The following PLEKHG4B variants were observed in gnomAD, a reference collection of about 807,000 sequenced individuals.
PLEKHG4B encodes pleckstrin homology domain-containing family G member 4B.
Under a neutral mutation model 121.3 loss-of-function variants are expected in PLEKHG4B, and 111 were observed. The ratio of observed to expected loss-of-function variants is 0.92; its 90% CI spans 0.78 to 1.07. The LOEUF (loss-of-function observed/expected upper bound fraction) is 1.07, where lower values mean the gene tolerates loss of function less well. PLEKHG4B is among the 50% of genes least tolerant of loss of function. PLEKHG4B has a pLI of 0.00. For synonymous variants in PLEKHG4B, 738 were observed against 725.0 expected, an observed-to-expected ratio of 1.02 and a Z score of -0.29; for missense variants, 1,831 against 1,757.8, an observed-to-expected ratio of 1.04 and a Z score of -0.74.
At chr5:96,586 G>T (rs1224411748) in intron 1 of PLEKHG4B, among the ~76,000 whole-genome samples, 1 of 152,164 alleles carries the variant, frequency 6.6e-6, no homozygotes, top group Non-Finnish European at 1.5e-5. Flanking sequence ...ATGGATTGTT[G>T]AGAAAGATTA....
chr5:162,749 C>G lies in PLEKHG4B; in HGVS notation c.2677C>G (p.Pro893Ala). 6.8e-7 allele frequency: 1 copy of G among 1,463,594 alleles called. No homozygotes were observed. 90.7% of individuals were successfully genotyped at this position (1,463,594 alleles called of 1,614,324 possible). ...TVSSWMGPLD[P>A]EACPSSPVAE... ...GAGCAGCTGGATGGGGCCCCTGGAC[C>G]CGGAGGCTTGTCCCTCCTCACCCGT... is the stretch of plus-strand genomic sequence containing the variant. The change falls in exon 13 of 20, where the codon CCG becomes GCG. Residue 893 changes from proline (P) to alanine (A), a missense_variant. Physicochemically the swap from Pro to Ala is conservative, Grantham distance 27. Transcript: ENST00000637938.
At chr5:175,093 T>C (rs1406036999) in intron 18 of PLEKHG4B, among the ~76,000 whole-genome samples, 1 of 152,208 alleles carries the variant, frequency 6.6e-6, no homozygotes, top group South Asian at 2.1e-4. Context: ...CATAAGGCAC[T>C]GCGGCAACCC....
At chr5:122,351 CA>C (rs1287981559) in intron 2 of PLEKHG4B, among the ~76,000 whole-genome samples, 2 of 151,886 alleles carry the variant, frequency 1.3e-5, no homozygotes, top group African/African-American at 4.8e-5. Context: ...TGGACAGACT[CA>C]AAAAAAGGCA....
intron 13 of PLEKHG4B, 110 bp from the exon 14 acceptor site, chr5:169,230 A>T: frequency 6.9e-7 from 1 of 1,458,248 alleles, no homozygotes; most frequent in Non-Finnish European, 9.3e-7. Context: ...TCCACATGTG[A>T]CCCTGCTCAT....
Position 157,604 on chromosome 5 carries a change from C to CG in PLEKHG4B, c.2487+699dup. ...GTGGCTCTGAAATGATTGCTTAGCTCGGGGGGCACCAGCGAAATGATTGCT... is the reference window on the plus strand; with the variant it reads ...GTGGCTCTGAAATGATTGCTTAGCTCGGGGGGGCACCAGCGAAATGATTGCT... On this transcript the variant is annotated intron_variant, in intron 11 of 19. Transcript: ENST00000637938. This position sits in a 1 kb window ranked among gnomAD's most constrained non-coding sequence, Gnocchi z 4.6. 1.3e-5 allele frequency among the ~76,000 whole-genome samples: 2 copies of CG among 152,038 alleles called. 1 individual carries two copies. The highest frequency in any genetic ancestry group is 4.8e-5 in the African/African-American group (2 of 41,430).
rs149879239 is a variant in PLEKHG4B at position 155,571 on chromosome 5, T to G, written c.2208+128T>G. 623 of 714,176 alleles carry G rather than the reference T, an allele frequency of 8.7e-4. 4 individuals are homozygous for G. In the African/African-American group the frequency reaches 9.4e-3, roughly 11 times the overall value. The allele number at this position is 714,176 out of a possible 1,614,324, so 44.2% of individuals were successfully genotyped here. Reference sequence around the variant, plus strand: ...GTAGCAGAGACCTTCAAATCCTTTTTCATTTGTAGATCCCTCTTAATTCAG... The same window carrying G: ...GTAGCAGAGACCTTCAAATCCTTTTGCATTTGTAGATCCCTCTTAATTCAG... On this transcript the variant is annotated intron_variant, in intron 9 of 19. Coordinates refer to ENST00000637938, the MANE Select transcript of PLEKHG4B (RefSeq NM_052909.5).
rs1203690958 is a variant in PLEKHG4B, at chr5:186,206, T to TA, written c.*3884dup. Reference sequence around the variant, plus strand: ...TGCTGGCAGAAGAGGCCCACCGAGTTACGTCCACACCAGCTGGCCCTGGGC... The same window carrying TA: ...TGCTGGCAGAAGAGGCCCACCGAGTTAACGTCCACACCAGCTGGCCCTGGGC... On this transcript the variant is annotated 3_prime_UTR_variant, in exon 20 of 20. Coordinates refer to ENST00000637938, the MANE Select transcript of PLEKHG4B (RefSeq NM_052909.5). 1 of 152,206 alleles carries TA rather than the reference T, an allele frequency of 6.6e-6. No homozygotes were observed. The highest frequency in any genetic ancestry group is 2.4e-5 in the African/African-American group (1 of 41,426). 9.4% of individuals were successfully genotyped at this position (152,206 alleles called of 1,614,324 possible). A position where few individuals can be genotyped will look rare whatever the true frequency, so the allele number is the denominator to read the frequency against.
intron 1 of PLEKHG4B, among the ~76,000 whole-genome samples, chr5:110,687 C>A (rs752805147): frequency 3.3e-5 from 5 of 151,554 alleles, no homozygotes; most frequent in Non-Finnish European, 7.4e-5. Flanking sequence ...ACACAATCTG[C>A]AGCACACGTG....
In PLEKHG4B at chr5:163,035, A is replaced by T; in HGVS notation, c.2963A>T (p.Gln988Leu). The change falls in exon 13 of 20, where the codon CAG (glutamine) becomes CTG (leucine). Residue 988 changes from glutamine to leucine, a missense_variant. Coordinates refer to ENST00000637938, the MANE Select transcript of PLEKHG4B (RefSeq NM_052909.5). ...ERAQEAMRRHQKPPSFPSTDS... is the reference protein window; with the variant it reads ...ERAQEAMRRHLKPPSFPSTDS... The stretch of plus-strand genomic sequence containing the variant: ...GCCCAGGAGGCCATGAGGAGGCACC[A>T]GAAGCCACCCTCATTCCCCAGCACG... 6.4e-7 allele frequency: 1 copy of T among 1,561,552 alleles called. No homozygotes were observed.
chr5:135,894 G>T (rs1435653728), intron 2 of PLEKHG4B, among the ~76,000 whole-genome samples: 1 of 150,926 alleles, frequency 6.6e-6, no homozygotes, highest in Non-Finnish European at 1.5e-5. Context: ...AAAGTTGGAG[G>T]ACTCACACTT....
At chr5:110,062 CCA>C (rs1201831505) in intron 1 of PLEKHG4B, among the ~76,000 whole-genome samples, 3 of 151,528 alleles carry the variant, frequency 2.0e-5, no homozygotes, top group African/African-American at 7.3e-5. Flanking sequence ...GTGCACACAC[CCA>C]CACAATCTGC....
At chr5:161,711 A>G (rs1579306204) in intron 11 of PLEKHG4B, 72 bp from the exon 12 acceptor site, 3 of 1,605,460 alleles carry the variant, frequency 1.9e-6, no homozygotes, top group African/African-American at 1.3e-5. Flanking sequence ...CTACACGCAG[A>G]CCCAGCCCAC....
intron 6 of PLEKHG4B, among the ~76,000 whole-genome samples, chr5:149,823 A>C (rs1038384698): frequency 4.6e-5 from 7 of 152,186 alleles, no homozygotes; most frequent in African/African-American, 1.7e-4. Flanking sequence ...ACCTCAATTA[A>C]ATACCACTTC....
intron 2 of PLEKHG4B, among the ~76,000 whole-genome samples, chr5:118,737 A>G (rs1734378013): frequency 6.6e-6 from 1 of 152,136 alleles, no homozygotes; most frequent in Non-Finnish European, 1.5e-5. Context: ...CTAGGGTAAT[A>G]ATACCTCTCA....
intron 1 of PLEKHG4B, among the ~76,000 whole-genome samples, chr5:98,299 C>A (rs992829560): frequency 6.6e-6 from 1 of 151,706 alleles, no homozygotes; most frequent in Non-Finnish European, 1.5e-5. Flanking sequence ...AGCATTCATT[C>A]GTTGAATGAA....
chr5:162,563 A>T (rs934509024), intron 12 of PLEKHG4B, among the ~76,000 whole-genome samples, 159 bp from the exon 13 acceptor site: 1 of 152,068 alleles, frequency 6.6e-6, no homozygotes, highest in Non-Finnish European at 1.5e-5. Flanking sequence ...CTTCCGCTGA[A>T]CCCGGCCACA....
chr5:145,081 TC>T (rs770726503), intron 6 of PLEKHG4B, among the ~76,000 whole-genome samples, 161 bp downstream of exon 6: 58 of 152,342 alleles, frequency 3.8e-4, no homozygotes, highest in Middle Eastern at 6.8e-3. Context: ...CTTGGGGTCT[TC>T]CCAGTGAGTC....
rs1553992913 is a variant in PLEKHG4B, at chr5:184,011, A to AGATAGATAGAT, written c.*1689_*1699dup. 6.7e-6 allele frequency: 1 copy of AGATAGATAGAT among 148,822 alleles called. No individual in the cohort carries two copies. The highest frequency in any genetic ancestry group is 1.9e-4 in the East Asian group (1 of 5,168). 9.2% of individuals were successfully genotyped at this position (148,822 alleles called of 1,614,324 possible). A position where few individuals can be genotyped will look rare whatever the true frequency, so the allele number is the denominator to read the frequency against. ...TAGATCGATAGATAGATAGATAGATAGATAGATAGATAGATAGACTGACAG... is the reference window on the plus strand; with the variant it reads ...TAGATCGATAGATAGATAGATAGATAGATAGATAGATGATAGATAGATAGATAGACTGACAG... On this transcript the variant is annotated 3_prime_UTR_variant, in exon 20 of 20. Coordinates refer to ENST00000637938, the MANE Select transcript of PLEKHG4B (RefSeq NM_052909.5).
chr5:144,959 A>G (rs1445615119), intron 6 of PLEKHG4B, 39 bp downstream of exon 6: 2 of 1,569,130 alleles, frequency 1.3e-6, no homozygotes, highest in South Asian at 1.1e-5. Context: ...TGTGCAGAGC[A>G]TCGTAGGGCC....
Sources: allele counts gnomAD v4.1 joint callset (sites outside exome capture counted in the v4.1 genomes callset), GRCh38; gene constraint gnomAD v4.1.1; non-coding constraint Gnocchi (gnomAD v3.1); transcripts MANE v1.5; gene names NCBI Gene and HGNC (gene_info 2026-07-23, HGNC 2026-07-21).